PCDH15: variants seen among roughly 807,000 people sequenced by gnomAD.
PCDH15 encodes the protein protocadherin related 15.
PCDH15 carries 129 observed loss-of-function variants against 178.5 expected under a neutral mutation model. That is an observed-to-expected ratio of 0.72 (90% confidence interval 0.63 to 0.84). PCDH15 has a LOEUF of 0.84. Ranked by LOEUF, PCDH15 falls within the 40% of genes least tolerant of loss-of-function variation. The pLI is 0.00. For missense variants in PCDH15, 2,230 were observed against 2,099.9 expected, an observed-to-expected ratio of 1.06 and a Z score of -1.21; for synonymous variants, 800 against 732.0, an observed-to-expected ratio of 1.09 and a Z score of -1.50.
At chr10:54,147,555 T>A (rs1017344569) in intron 14 of PCDH15, among the ~76,000 whole-genome samples, 13 of 151,854 alleles carry the variant, frequency 8.6e-5, no homozygotes, top group Admixed American at 7.9e-4. Context: ...ATAAAGTGAT[T>A]TAAAACACTT....
At chr10:55,206,678 C>T (rs1441824091) in intron 1 of PCDH15, among the ~76,000 whole-genome samples, 1 of 152,066 alleles carries the variant, frequency 6.6e-6, no homozygotes, top group African/African-American at 2.4e-5. Flanking sequence ...TTGGAGCAGT[C>T]TGTTTTCCTA....
chr10:53,857,988 G>A (rs1218820877), intron 27 of PCDH15, among the ~76,000 whole-genome samples: 2 of 151,934 alleles, frequency 1.3e-5, no homozygotes, highest in Non-Finnish European at 2.9e-5. Flanking sequence ...GAATCAGGTT[G>A]TTATTAATAT....
intron 25 of PCDH15, among the ~76,000 whole-genome samples, chr10:53,913,917 G>GA (rs899897350): frequency 1.3e-5 from 2 of 152,042 alleles, no homozygotes; most frequent in Non-Finnish European, 2.9e-5. Context: ...AAACTTACCA[G>GA]AAAAAATCAA....
intron 2 of PCDH15, among the ~76,000 whole-genome samples, chr10:55,340,627 G>GAAATAATATTAT (rs1691901416): frequency 6.6e-6 from 1 of 151,660 alleles, no homozygotes; most frequent in Non-Finnish European, 1.5e-5. Flanking sequence ...TTCTTTCCAA[G>GAAATAATATTAT]AAATAATATT....
intron 3 of PCDH15, among the ~76,000 whole-genome samples, chr10:54,397,962 G>A (rs1951455609): frequency 6.6e-6 from 1 of 151,908 alleles, no homozygotes; most frequent in African/African-American, 2.4e-5. Context: ...ATAGATTTTA[G>A]TAAATCAATT....
chr10:55,439,818 T>TA lies in PCDH15; in HGVS notation c.-156+187806dup, dbSNP rs536708946. On this transcript the variant is annotated intron_variant, in intron 2 of 5. Coordinates refer to the PCDH15 transcript ENST00000613346. Reference sequence around the variant, plus strand: ...TAAGGGAAAGGTAATAAGGCTACTATAAAAAGTTTTAGTGTGGAGGCAAAC... The same window carrying TA: ...TAAGGGAAAGGTAATAAGGCTACTATAAAAAAGTTTTAGTGTGGAGGCAAAC... 1.3e-3 allele frequency among the ~76,000 whole-genome samples: 194 copies of TA among 152,152 alleles called. 2 individuals carry two copies. Among genetic ancestry groups the TA allele is most frequent in the African/African-American group, 4.4e-3 (184 of 41,536 alleles).
At chr10:55,590,293 T>C (rs1842817467) in intron 2 of PCDH15, among the ~76,000 whole-genome samples, 1 of 120,920 alleles carries the variant, frequency 8.3e-6, no homozygotes, top group Non-Finnish European at 1.6e-5. Context: ...AAGGGGAACA[T>C]CACACTCTGG....
At chr10:54,463,260 T>C (rs1289992461) in intron 3 of PCDH15, among the ~76,000 whole-genome samples, 1 of 152,200 alleles carries the variant, frequency 6.6e-6, no homozygotes. Context: ...CCACCTACTA[T>C]TAGAGTAAAT....
intron 13 of PCDH15, among the ~76,000 whole-genome samples, chr10:54,182,471 T>C (rs2048075665): frequency 6.6e-6 from 1 of 150,648 alleles, no homozygotes; most frequent in South Asian, 2.1e-4. Flanking sequence ...AGATATGGGC[T>C]ATGACCTTGA....
At chr10:55,452,890 C>G (rs1233408255) in intron 2 of PCDH15, among the ~76,000 whole-genome samples, 1 of 152,046 alleles carries the variant, frequency 6.6e-6, no homozygotes, top group African/African-American at 2.4e-5. Flanking sequence ...AGAGTATATA[C>G]TATTTCTTAA....
chr10:53,924,825 G>A (rs995908946), intron 25 of PCDH15, among the ~76,000 whole-genome samples: 1 of 152,178 alleles, frequency 6.6e-6, no homozygotes, highest in Non-Finnish European at 1.5e-5. Flanking sequence ...CACCAAATCA[G>A]CACTCTGTGT....
upstream of PCDH15, among the ~76,000 whole-genome samples, chr10:55,321,974 A>T (rs1843913428): frequency 6.6e-6 from 1 of 152,172 alleles, no homozygotes. Context: ...CCAGCTAACA[A>T]CACAGTGATG....
intron 2 of PCDH15, among the ~76,000 whole-genome samples, chr10:55,062,812 T>C (rs758911822): frequency 6.6e-6 from 1 of 152,096 alleles, no homozygotes; most frequent in Non-Finnish European, 1.5e-5. Context: ...ATATTGGTAA[T>C]AGTGGAGGTT....
At chr10:53,912,395 G>A (rs1372631320) in intron 25 of PCDH15, among the ~76,000 whole-genome samples, 3 of 152,160 alleles carry the variant, frequency 2.0e-5, no homozygotes, top group Admixed American at 6.5e-5. Context: ...AGATAGGGAT[G>A]CCCTCTCTTA....
intron 2 of PCDH15, among the ~76,000 whole-genome samples, chr10:55,163,499 G>T (rs1839115209): frequency 6.6e-6 from 1 of 152,166 alleles, no homozygotes; most frequent in East Asian, 1.9e-4. Flanking sequence ...GAAAAATAAG[G>T]CTAAGACCTA....
intron 2 of PCDH15, among the ~76,000 whole-genome samples, chr10:55,546,732 A>AT (rs1301374631): frequency 1.3e-5 from 2 of 152,104 alleles, no homozygotes; most frequent in African/African-American, 4.8e-5. Flanking sequence ...TTATTTGTCT[A>AT]TTTTTACTGA....
At chr10:55,567,187 G>C (rs1307496972) in intron 2 of PCDH15, among the ~76,000 whole-genome samples, 4 of 151,826 alleles carry the variant, frequency 2.6e-5, no homozygotes, top group Non-Finnish European at 4.4e-5. Context: ...GGAAAAGGCA[G>C]TATTTTCAAT....
At chr10:55,341,130 A>T (rs1340091067) in intron 2 of PCDH15, among the ~76,000 whole-genome samples, 1 of 151,906 alleles carries the variant, frequency 6.6e-6, no homozygotes, top group Non-Finnish European at 1.5e-5. Flanking sequence ...ATACATGTCA[A>T]GATATAATAC....
chr10:54,884,498 T>C lies in PCDH15; in HGVS notation c.-29+12952A>G, dbSNP rs1384173784. ...TAAGATAGGTGTGTGTGTGTGTGTG[T>C]GTGTGTGTGTGTGCACCTGTGTGCA... On this transcript the variant is annotated intron_variant, in intron 3 of 5. Transcript: ENST00000458638. Among the ~76,000 whole-genome samples, 8 of 151,962 alleles carry C rather than the reference T, an allele frequency of 5.3e-5. No homozygotes were observed. The East Asian group carries it at 9.7e-4, about 18-fold the overall frequency.
Sources: allele counts gnomAD v4.1 joint callset (sites outside exome capture counted in the v4.1 genomes callset), GRCh38; gene constraint gnomAD v4.1.1; transcripts MANE v1.5; gene names NCBI Gene and HGNC (gene_info 2026-07-23, HGNC 2026-07-21).